Variants in DLGAP1 observed in about 807,000 individuals in gnomAD.
DLGAP1 encodes disks large-associated protein 1.
Under a neutral mutation model 90.8 loss-of-function variants are expected in DLGAP1, and 11 were observed. The ratio of observed to expected loss-of-function variants is 0.12; its 90% confidence interval spans 0.08 to 0.20. The LOEUF is 0.20. DLGAP1 is among the 10% of genes least tolerant of loss of function. The pLI, the probability that DLGAP1 is intolerant of heterozygous loss-of-function variation, is 1.00. For missense variants in DLGAP1, 1,050 were observed against 1,333.8 expected, an observed-to-expected ratio of 0.79 and a Z score of 3.31; for synonymous variants, 558 against 540.7, an observed-to-expected ratio of 1.03 and a Z score of -0.44.
At chr18:3,799,684 A>AG (rs769769198) in intron 5 of DLGAP1, among the ~76,000 whole-genome samples, 75 of 152,244 alleles carry the variant, frequency 4.9e-4, no homozygotes, top group Non-Finnish European at 9.7e-4. Flanking sequence ...TGCTATGGGC[A>AG]ACCACTTAAA....
At chr18:3,810,338 G>A (rs945925170) in intron 5 of DLGAP1, among the ~76,000 whole-genome samples, 5 of 152,144 alleles carry the variant, frequency 3.3e-5, no homozygotes, top group Non-Finnish European at 7.3e-5. Context: ...CCCTCAAGAT[G>A]CCTTCGGAAA....
chr18:4,068,395 T>C (rs2075400561), intron 2 of DLGAP1, among the ~76,000 whole-genome samples: 1 of 151,402 alleles, frequency 6.6e-6, no homozygotes, highest in Non-Finnish European at 1.5e-5. Flanking sequence ...ATGCATATTA[T>C]ATATAATGAT....
chr18:3,646,616 T>G (rs2146378160), intron 7 of DLGAP1, among the ~76,000 whole-genome samples: 1 of 152,248 alleles, frequency 6.6e-6, no homozygotes, highest in South Asian at 2.1e-4. Context: ...AGACACATGA[T>G]CATTGCTCTT....
At chr18:3,826,119 C>T (rs546171142) in intron 4 of DLGAP1, among the ~76,000 whole-genome samples, 26 of 152,174 alleles carry the variant, frequency 1.7e-4, no homozygotes, top group African/African-American at 6.3e-4. Context: ...ACACTGAGGA[C>T]TCCAAAAGAG....
intron 1 of DLGAP1, among the ~76,000 whole-genome samples, chr18:4,253,243 C>G (rs1183927977): frequency 6.6e-6 from 1 of 152,098 alleles, no homozygotes; most frequent in African/African-American, 2.4e-5. Context: ...CCTAACTAAC[C>G]CCTTGCAGGA....
At chr18:3,750,876 G>C (rs561176228) in intron 5 of DLGAP1, among the ~76,000 whole-genome samples, 242 of 152,240 alleles carry the variant, frequency 1.6e-3, no homozygotes, top group Non-Finnish European at 2.6e-3. Flanking sequence ...CATTTTAGCA[G>C]GTCACTGGGT....
chr18:3,533,216 G>A (rs1021580614), intron 10 of DLGAP1, among the ~76,000 whole-genome samples: 3 of 152,166 alleles, frequency 2.0e-5, no homozygotes, highest in Non-Finnish European at 2.9e-5. Context: ...CCATGATTGC[G>A]CCACTCCAAC....
chr18:4,076,367 T>C (rs1192093544), intron 2 of DLGAP1, among the ~76,000 whole-genome samples: 1 of 152,160 alleles, frequency 6.6e-6, no homozygotes, highest in Admixed American at 6.5e-5. Context: ...ACAGGAACTA[T>C]ATTTTTATGT....
intron 7 of DLGAP1, among the ~76,000 whole-genome samples, chr18:3,606,020 A>G (rs577970911): frequency 9.8e-5 from 15 of 152,352 alleles, no homozygotes; most frequent in South Asian, 6.2e-4. Flanking sequence ...CATTAAGAAA[A>G]AAAAAGGTCT....
At chr18:3,501,593 G>A (rs2143602096) in intron 12 of DLGAP1, among the ~76,000 whole-genome samples, 2 of 152,318 alleles carry the variant, frequency 1.3e-5, no homozygotes, top group East Asian at 3.9e-4. Context: ...ATATGCGGTA[G>A]CAGAATGGAT....
At chr18:4,341,707 A>G (rs1342795267) in intron 1 of DLGAP1, among the ~76,000 whole-genome samples, 1 of 152,082 alleles carries the variant, frequency 6.6e-6, no homozygotes, top group African/African-American at 2.4e-5. Context: ...TAGGAATAAT[A>G]GTCTAGAATT....
intron 1 of DLGAP1, among the ~76,000 whole-genome samples, chr18:4,211,170 A>C (rs2077832812): frequency 6.6e-6 from 1 of 152,208 alleles, no homozygotes. Context: ...TTAAGATCAC[A>C]GCAAACCTAC....
At chr18:4,291,347 G>A (rs1175791971) in intron 1 of DLGAP1, among the ~76,000 whole-genome samples, 3 of 152,096 alleles carry the variant, frequency 2.0e-5, no homozygotes, top group African/African-American at 7.2e-5. Flanking sequence ...GGCTCTTCCT[G>A]CTTGGTTTTA....
intron 1 of DLGAP1, among the ~76,000 whole-genome samples, chr18:4,228,727 T>G (rs1440588036): frequency 6.6e-6 from 1 of 151,962 alleles, no homozygotes; most frequent in Admixed American, 6.6e-5. Context: ...GATCCACAGC[T>G]AATGTCATAT....
At chr18:3,535,707 C>CAAAAAAA (rs1410171070) in intron 9 of DLGAP1, among the ~76,000 whole-genome samples, 3 of 112,852 alleles carry the variant, frequency 2.7e-5, no homozygotes, top group African/African-American at 1.0e-4. Context: ...GATTCTGTCT[C>CAAAAAAA]AAAAAAAAAA....
At chr18:4,219,107 CA>C (rs2078024924) in intron 1 of DLGAP1, among the ~76,000 whole-genome samples, 1 of 136,626 alleles carries the variant, frequency 7.3e-6, no homozygotes, top group Non-Finnish European at 1.5e-5. Flanking sequence ...TTCCCATCAA[CA>C]GTTCCTTTTT....
intron 7 of DLGAP1, among the ~76,000 whole-genome samples, chr18:3,620,545 T>TTTATTATTA (rs4065327): frequency 7.3e-5 from 11 of 149,946 alleles, no homozygotes; most frequent in African/African-American, 2.5e-4. Context: ...GCTATCACAT[T>TTTATTATTA]TTATTATTAT....
chr18:4,312,840 A>C (rs2080433875), intron 1 of DLGAP1, among the ~76,000 whole-genome samples: 1 of 152,196 alleles, frequency 6.6e-6, no homozygotes, highest in Non-Finnish European at 1.5e-5. Flanking sequence ...AGTGACTTTA[A>C]AATATAATCA....
At chr18:4,339,966 T>C (rs892924418) in intron 1 of DLGAP1, among the ~76,000 whole-genome samples, 3 of 152,188 alleles carry the variant, frequency 2.0e-5, no homozygotes, top group Non-Finnish European at 2.9e-5. Flanking sequence ...AACTCTCTTA[T>C]AACAAAGTTT....
Sources: allele counts gnomAD v4.1 joint callset (sites outside exome capture counted in the v4.1 genomes callset), GRCh38; gene constraint gnomAD v4.1.1; transcripts MANE v1.5; gene names NCBI Gene and HGNC (gene_info 2026-07-23, HGNC 2026-07-21).